The following POLR2H variants were observed in gnomAD, a reference collection of about 807,000 sequenced individuals.
POLR2H encodes the protein RNA polymerase II, I and III subunit H, also known as DNA-directed RNA polymerases I, II, and III subunit RPABC3.
Under a neutral mutation model 18.1 loss-of-function variants are expected in POLR2H, and 3 were observed. The observed-to-expected ratio is 0.17, with a 90% CI of 0.08 to 0.43. POLR2H has a LOEUF of 0.43. Among genes scored for constraint, POLR2H ranks in the 20% least tolerant of loss-of-function variants. The probability of loss-of-function intolerance (pLI) is 0.99; values close to 1 mark genes in which losing one functional copy is unlikely to be tolerated. For missense variants in POLR2H, 103 were observed against 184.6 expected (o/e 0.56, Z 2.56); for synonymous variants, 76 against 69.0 (o/e 1.10, Z -0.50).
At chr3:184,365,836 C>T (rs1461178771) in intron 4 of POLR2H, among the ~76,000 whole-genome samples, 3 of 151,098 alleles carry the variant, frequency 2.0e-5, no homozygotes, top group African/African-American at 4.9e-5. Flanking sequence ...ATTAGCCGGG[C>T]GTAGTGGCGG....
chr3:184,365,417 T>C (rs1190451446), intron 4 of POLR2H, 191 bp downstream of exon 4: 2 of 601,156 alleles, frequency 3.3e-6, no homozygotes, highest in East Asian at 2.8e-5. Context: ...CCCAAGCACT[T>C]TGGGAGGCCG....
At position 184,368,282 on chromosome 3, in the gene POLR2H, G is replaced by T; in HGVS notation, c.441G>T (p.Lys147Asn). ...CCAGAGTTTATCTCCTGATGAAGAA[G>T]CTAGCCTTCTGAACCTCGCCTGAAG... ...VDSRVYLLMKKLAF is the reference protein window; with the variant it reads ...VDSRVYLLMKNLAF Residue 147 changes from lysine to asparagine, a missense_variant, in exon 6 of 6, where the codon AAG becomes AAT. Coordinates refer to ENST00000456318, the MANE Select transcript of POLR2H (RefSeq NM_006232.5). 6.2e-7 allele frequency: 1 copy of T among 1,600,012 alleles called. No individual in the cohort carries two copies. The highest frequency in any genetic ancestry group is 8.5e-7 in the Non-Finnish European group (1 of 1,170,984).
In POLR2H at chr3:184,364,956, T is replaced by C; in HGVS notation, c.74-10T>C. On this transcript the variant is annotated splice_polypyrimidine_tract_variant and intron_variant, in intron 2 of 5. Transcript: ENST00000456318. ...AATACCTCTGTCACTCTTTTCCTGC[T>C]TCTCCCCAGTGTCTCGACTGCATTG... The C allele has an allele frequency of 6.3e-7, 1 of 1,594,692 alleles. No individual in the cohort carries two copies. Among genetic ancestry groups the C allele is most frequent in the East Asian group, 2.2e-5 (1 of 44,782 alleles).
Position 184,367,492 on chromosome 3 carries a change from C to CTT in POLR2H, c.336-674_336-673dup, listed in dbSNP as rs202193300. Among the ~76,000 whole-genome samples, 54 of 143,114 alleles carry CTT rather than the reference C, an allele frequency of 3.8e-4. 1 individual carries two copies. The highest frequency in any genetic ancestry group is 1.8e-3 in the Admixed American group (26 of 14,278). 93.9% of individuals were successfully genotyped at this position (143,114 alleles called of 152,430 possible). A position where few individuals can be genotyped will look rare whatever the true frequency, so the allele number is the denominator to read the frequency against. On this transcript the variant is annotated intron_variant, in intron 5 of 5. Transcript: ENST00000456318. ...TAAAGCTTTTCTTTTCTTTTCTTTT[C>CTT]TTTTTTTTTTTTGAGATGGAGTCTT...
rs1170987318 is a variant in POLR2H, at chr3:184,362,812, C to T, written c.-620-61C>T. 3 of 152,670 alleles carry T rather than the reference C, an allele frequency of 2.0e-5. No homozygotes were observed. The highest frequency in any genetic ancestry group is 4.9e-5 in the African/African-American group (2 of 41,166). The allele number at this position is 152,670 out of a possible 1,614,324, so 9.5% of individuals were successfully genotyped here. A position where few individuals can be genotyped will look rare whatever the true frequency, so the allele number is the denominator to read the frequency against. On this transcript the variant is annotated intron_variant, in intron 1 of 5. Transcript: ENST00000456318. This position sits in a 1 kb window ranked among gnomAD's most constrained non-coding sequence, Gnocchi z 5.9. Reference sequence around the variant, plus strand: ...CAGGGCCTGGGGGGAAGAGGGAGGGCAGTGGTGGGAGGGTGCAGTACGAGA... The same window carrying T: ...CAGGGCCTGGGGGGAAGAGGGAGGGTAGTGGTGGGAGGGTGCAGTACGAGA...
At position 184,368,508 on chromosome 3, in the gene POLR2H, T is replaced by C. The variant is rs1329617917; in HGVS notation, c.*214T>C. 5 of 420,428 alleles carry C rather than the reference T, an allele frequency of 1.2e-5. No homozygotes were observed. The highest frequency in any genetic ancestry group is 3.5e-5 in the East Asian group (1 of 28,220). 26.0% of individuals were successfully genotyped at this position (420,428 alleles called of 1,614,324 possible). On this transcript the variant is annotated 3_prime_UTR_variant, in exon 6 of 6. Transcript: ENST00000456318. ...AAATGAATCAGAAGCTTTATGTATA[T>C]GATTTTTAAATTAAACTTTACTTTT...
chr3:184,366,744 T>C lies in POLR2H; in HGVS notation c.279T>C (p.Tyr93=), dbSNP rs757832907. 4 of 1,606,052 alleles carry C rather than the reference T, an allele frequency of 2.5e-6. No individual in the cohort carries two copies. The highest frequency in any genetic ancestry group is 1.3e-5 in the African/African-American group (1 of 74,892). The change falls in exon 5 of 6, where the codon TAT becomes TAC. Residue 93 remains tyrosine (Y), a synonymous_variant. Coordinates refer to ENST00000456318, the MANE Select transcript of POLR2H (RefSeq NM_006232.5). The part of the protein sequence containing the change: ...SRADQFEYVM[Y]GKVYRIEGDE... ...CTGACCAGTTTGAGTATGTAATGTA[T>C]GGAAAAGTGTACAGGATTGAGGGAG...
chr3:184,366,917 A>G, intron 5 of POLR2H, 117 bp downstream of exon 5: 4 of 679,220 alleles, frequency 5.9e-6, no homozygotes, highest in African/African-American at 1.8e-5. Flanking sequence ...CGAGGTGGGA[A>G]CTAGAAAGAA....
At chr3:184,366,630 G>T (rs1713348881) in intron 4 of POLR2H, 87 bp from the exon 5 acceptor site, 1 of 789,498 alleles carries the variant, frequency 1.3e-6, no homozygotes, top group Non-Finnish European at 2.2e-6. Context: ...GAGCCACCAC[G>T]CCCGGCTGAC....
Position 184,363,538 on chromosome 3 carries a change from G to T in POLR2H, c.46G>T (p.Asp16Tyr). Residue 16 changes from aspartate (D) to tyrosine (Y), a missense_variant, in exon 2 of 6, where the codon GAC (aspartate) becomes TAC (tyrosine). Asp to Tyr is a radical substitution (Grantham distance 160). Transcript: ENST00000456318. ...FEDIFDVKDI[D>Y]PEGKKFDRVS... ...GGATATTTTCGATGTGAAGGATATT[G>T]ACCCGGAGGGCAAGAAGTTTGACCG... The T allele has an allele frequency of 6.2e-7, 1 of 1,614,104 alleles. No individual in the cohort carries two copies. Among genetic ancestry groups the T allele is most frequent in the South Asian group, 1.1e-5 (1 of 91,032 alleles).
rs41543313 is a variant in POLR2H at position 184,368,264 on chromosome 3, T to A, written c.423T>A (p.Val141=). Residue 141 remains valine, a synonymous_variant, in exon 6 of 6, where the codon GTT becomes GTA. Coordinates refer to ENST00000456318, the MANE Select transcript of POLR2H (RefSeq NM_006232.5). The part of the protein sequence containing the change: ...NLHGFEVDSR[V]YLLMKKLAF ...ATGGATTCGAGGTGGACTCCAGAGT[T>A]TATCTCCTGATGAAGAAGCTAGCCT... 6.3e-3 allele frequency: 10,064 copies of A among 1,607,204 alleles called. 34 individuals are homozygous for A. The highest frequency in any genetic ancestry group is 7.7e-3 in the Non-Finnish European group (9,075 of 1,175,896).
chr3:184,364,885 G>T, intron 2 of POLR2H, 81 bp from the exon 3 acceptor site: 2 of 898,244 alleles, frequency 2.2e-6, no homozygotes, highest in South Asian at 2.8e-5. Context: ...GGGTTAGATT[G>T]AGTATCCTGT....
At position 184,366,735 on chromosome 3, in the gene POLR2H, T is replaced by C; in HGVS notation, c.270T>C (p.Tyr90=). 6.2e-7 allele frequency: 1 copy of C among 1,601,542 alleles called. No homozygotes were observed. Among genetic ancestry groups the C allele is most frequent in the Non-Finnish European group, 8.6e-7 (1 of 1,168,480 alleles). Residue 90 remains tyrosine, a synonymous_variant, in exon 5 of 6, where the codon TAT becomes TAC. Coordinates refer to ENST00000456318, the MANE Select transcript of POLR2H (RefSeq NM_006232.5). ...TCCATAGGGCTGACCAGTTTGAGTA[T>C]GTAATGTATGGAAAAGTGTACAGGA... ...DRPSRADQFE[Y]VMYGKVYRIE... is the part of the protein sequence containing the mutation.
chr3:184,363,000 G>C lies in POLR2H; in HGVS notation c.-493G>C, dbSNP rs920209266. ...AGGGGCTGGGCACCTCTGGGGCGGG[G>C]TTCTGCTCCACCTGCCCTCGGCGCG... On this transcript the variant is annotated 5_prime_UTR_variant, in exon 2 of 6. Coordinates refer to ENST00000456318, the MANE Select transcript of POLR2H (RefSeq NM_006232.5). The surrounding 1 kb of genome is among the most constrained non-coding windows in gnomAD (Gnocchi z 5.9). The C allele has an allele frequency of 4.9e-6, 1 of 202,948 alleles. No individual in the cohort carries two copies. The highest frequency in any genetic ancestry group is 5.4e-5 in the Admixed American group (1 of 18,550). The allele number at this position is 202,948 out of a possible 1,614,324, so 12.6% of individuals were successfully genotyped here. A position where few individuals can be genotyped will look rare whatever the true frequency, so the allele number is the denominator to read the frequency against.
At position 184,368,191 on chromosome 3, in the gene POLR2H, C is replaced by T; in HGVS notation, c.350C>T (p.Ser117Phe). Residue 117 changes from serine to phenylalanine, a missense_variant, in exon 6 of 6, where the codon TCC becomes TTC. Ser to Phe is a radical substitution (Grantham distance 155, BLOSUM62 -2). Coordinates refer to ENST00000456318, the MANE Select transcript of POLR2H (RefSeq NM_006232.5). ...TTCTGTTTCAGCTCTGCGTACGTGTCCTATGGGGGCCTGCTCATGAGGCTG... is the reference window on the plus strand; with the variant it reads ...TTCTGTTTCAGCTCTGCGTACGTGTTCTATGGGGGCCTGCTCATGAGGCTG... Reference protein sequence around the residue: ...EAATRLSAYVSYGGLLMRLQG... With the variant: ...EAATRLSAYVFYGGLLMRLQG... The T allele has an allele frequency of 4.3e-6, 7 of 1,614,056 alleles. No homozygotes were observed. Among genetic ancestry groups the T allele is most frequent in the Non-Finnish European group, 5.9e-6 (7 of 1,179,964 alleles).
chr3:184,367,092 TTGTGTGTGTGTGTGTGTGTGTG>T (rs10575340), intron 5 of POLR2H, among the ~76,000 whole-genome samples: 1 of 147,856 alleles, frequency 6.8e-6, no homozygotes, highest in African/African-American at 2.5e-5. Context: ...CTGTTAGGCT[TTGTGTGTGTGTGTGTGTGTGTG>T]TGTGTGTGTG....
chr3:184,368,099 CT>C (rs778038635), intron 5 of POLR2H, 77 bp from the exon 6 acceptor site: 1 of 1,611,290 alleles, frequency 6.2e-7, no homozygotes, highest in Non-Finnish European at 8.5e-7. Context: ...GAAGATGCCT[CT>C]TCTCTTTCTT....
chr3:184,368,456 C>T lies in POLR2H; in HGVS notation c.*162C>T. ...TCCACTCAATGGGAAACTGACTCGC[C>T]TGTGAAAGACACAGTGGGAGAGCTG... is the stretch of plus-strand genomic sequence containing the variant. On this transcript the variant is annotated 3_prime_UTR_variant, in exon 6 of 6. Coordinates refer to ENST00000456318, the MANE Select transcript of POLR2H (RefSeq NM_006232.5). The T allele has an allele frequency of 2.0e-6, 1 of 512,454 alleles. No homozygotes were observed. Among genetic ancestry groups the T allele is most frequent in the Non-Finnish European group, 3.4e-6 (1 of 291,656 alleles). The allele number at this position is 512,454 out of a possible 1,614,324, so 31.7% of individuals were successfully genotyped here. A position where few individuals can be genotyped will look rare whatever the true frequency, so the allele number is the denominator to read the frequency against.
In POLR2H at chr3:184,361,989, T is replaced by G. The variant is rs1300793135; in HGVS notation, c.-778T>G. ...ATCGGACTCCTCCGGGTCAGCCCGT[T>G]AGGAGCCGCCTCCCCTCTGCCCCTC... is the stretch of plus-strand genomic sequence containing the variant. On this transcript the variant is annotated 5_prime_UTR_variant, in exon 1 of 6. The change creates a premature stop within an existing upstream ORF in the 5' untranslated region. Transcript: ENST00000456318. This position sits in a 1 kb window ranked among gnomAD's most constrained non-coding sequence, Gnocchi z 6.6. 6.5e-6 allele frequency: 1 copy of G among 152,782 alleles called. No homozygotes were observed. Among genetic ancestry groups the G allele is most frequent in the Non-Finnish European group, 1.5e-5 (1 of 68,552 alleles). The allele number at this position is 152,782 out of a possible 1,614,324, so 9.5% of individuals were successfully genotyped here.
Sources: allele counts gnomAD v4.1 joint callset (sites outside exome capture counted in the v4.1 genomes callset), GRCh38; gene constraint gnomAD v4.1.1; non-coding constraint Gnocchi (gnomAD v3.1); transcripts MANE v1.5; gene names NCBI Gene and HGNC (gene_info 2026-07-23, HGNC 2026-07-21).